Variants in ANKRD11 observed in about 807,000 individuals in gnomAD.
ANKRD11 encodes the protein ankyrin repeat domain-containing protein 11.
Under a neutral mutation model 195.7 loss-of-function variants are expected in ANKRD11, and 17 were observed. The observed-to-expected ratio is 0.09, with a 90% CI of 0.06 to 0.13. The LOEUF is 0.13. Ranked by LOEUF, ANKRD11 falls within the 10% of genes least tolerant of loss-of-function variation. The probability of loss-of-function intolerance (pLI) is 1.00; values close to 1 mark genes in which losing one functional copy is unlikely to be tolerated. For missense variants in ANKRD11, 3,735 were observed against 3,566.1 expected (o/e 1.05, Z -1.21); for synonymous variants, 1,953 against 1,528.1 (o/e 1.28, Z -6.49).
intron 2 of ANKRD11, among the ~76,000 whole-genome samples, chr16:89,328,563 C>T (rs2037859728): frequency 6.6e-6 from 1 of 150,436 alleles, no homozygotes; most frequent in African/African-American, 2.5e-5. Flanking sequence ...GAGGCCCCTG[C>T]TGAGTGAGTG....
intron 2 of ANKRD11, among the ~76,000 whole-genome samples, chr16:89,404,108 T>C (rs2041813754): frequency 1.3e-5 from 2 of 152,200 alleles, no homozygotes; most frequent in African/African-American, 2.4e-5. Context: ...GCCCGGCACA[T>C]GATTGTGAAG....
chr16:89,274,656 C>T (rs1185738699), intron 11 of ANKRD11, 158 bp downstream of exon 11: 14 of 1,127,848 alleles, frequency 1.2e-5, no homozygotes, highest in Admixed American at 7.5e-5. Context: ...TTCTGAGGCT[C>T]GCCCAAGGCT....
rs111252415 is a variant in ANKRD11, at chr16:89,385,817, G to A, written c.-60+32467C>T. On this transcript the variant is annotated intron_variant, in intron 2 of 12. Coordinates refer to ENST00000301030, the MANE Select transcript of ANKRD11 (RefSeq NM_013275.6). ...CTGCCTGCCTCACCCCCGCCGCTGCGCAGCCAGAGGCCGGGGATTAGGCCA... is the reference window on the plus strand; with the variant it reads ...CTGCCTGCCTCACCCCCGCCGCTGCACAGCCAGAGGCCGGGGATTAGGCCA... Among the ~76,000 whole-genome samples, 557 of 152,338 alleles carry A rather than the reference G, an allele frequency of 3.7e-3. 3 individuals are homozygous for A. The highest frequency in any genetic ancestry group is 0.012 in the African/African-American group (504 of 41,580).
intron 1 of ANKRD11, among the ~76,000 whole-genome samples, chr16:89,430,050 C>G (rs2042908588): frequency 7.7e-6 from 1 of 130,268 alleles, no homozygotes; most frequent in Non-Finnish European, 1.6e-5. Context: ...TAGTACACAG[C>G]AGGGACTCTC....
chr16:89,322,845 TTTTG>T (rs142804077), intron 2 of ANKRD11, among the ~76,000 whole-genome samples: 2,867 of 152,280 alleles, frequency 0.019, 79 homozygotes, highest in African/African-American at 0.064. Flanking sequence ...TGAAGAGTTC[TTTTG>T]TTTGTTTGTT....
chr16:89,354,832 A>T (rs1323950679), intron 2 of ANKRD11, among the ~76,000 whole-genome samples: 5 of 151,944 alleles, frequency 3.3e-5, no homozygotes, highest in Non-Finnish European at 5.9e-5. Context: ...GGTTGCAGTG[A>T]GCCGAGATCA....
At chr16:89,445,579 C>T (rs1360389286) in intron 1 of ANKRD11, among the ~76,000 whole-genome samples, 13 of 152,188 alleles carry the variant, frequency 8.5e-5, no homozygotes, top group Admixed American at 8.5e-4. Context: ...ACAGCAATAA[C>T]CACAAGCACA....
chr16:89,368,300 G>A (rs938523564), intron 2 of ANKRD11, among the ~76,000 whole-genome samples: 2 of 148,414 alleles, frequency 1.3e-5, no homozygotes, highest in East Asian at 2.0e-4. Context: ...GGTTACAAGC[G>A]ATTCTCCTGC....
At chr16:89,419,840 C>G (rs2042441212) in intron 1 of ANKRD11, among the ~76,000 whole-genome samples, 1 of 152,088 alleles carries the variant, frequency 6.6e-6, no homozygotes, top group Non-Finnish European at 1.5e-5. Context: ...CACTCCTGGA[C>G]AGGATTGTTC....
intron 2 of ANKRD11, among the ~76,000 whole-genome samples, chr16:89,376,869 C>T (rs1434738901): frequency 1.3e-5 from 2 of 152,228 alleles, no homozygotes; most frequent in African/African-American, 4.8e-5. Context: ...GCTAATGCTA[C>T]TGTTTTGTGC....
At chr16:89,304,164 G>C (rs1171148510) in intron 4 of ANKRD11, among the ~76,000 whole-genome samples, 2 of 152,222 alleles carry the variant, frequency 1.3e-5, no homozygotes, top group East Asian at 3.9e-4. Flanking sequence ...AGAGGCCTCT[G>C]GGCTCCCTGC....
intron 2 of ANKRD11, among the ~76,000 whole-genome samples, chr16:89,369,837 G>A (rs1318570470): frequency 6.6e-6 from 1 of 152,202 alleles, no homozygotes; most frequent in Non-Finnish European, 1.5e-5. Context: ...TGCCACCACT[G>A]GGGAAGCTTG....
In ANKRD11 at chr16:89,290,831, G is replaced by A. The variant is rs945874086; in HGVS notation, c.398-3C>T. The A allele has an allele frequency of 6.2e-7, 1 of 1,613,428 alleles. No homozygotes were observed. The highest frequency in any genetic ancestry group is 8.5e-7 in the Non-Finnish European group (1 of 1,179,964). ...GGGGTGCTTTGGTGTTGTGTCCACT[G>A]CAGGCCAAGGAGGGGACAGATGGGC... On this transcript the variant is annotated splice_polypyrimidine_tract_variant and splice_region_variant and intron_variant, in intron 5 of 12. Coordinates refer to ENST00000301030, the MANE Select transcript of ANKRD11 (RefSeq NM_013275.6).
rs1040188778 is a variant in ANKRD11 at position 89,279,746 on chromosome 16, C to T, written c.6796G>A (p.Ala2266Thr). The change falls in exon 9 of 13, where the codon GCG becomes ACG. Residue 2266 changes from alanine (A) to threonine (T), a missense_variant. Transcript: ENST00000301030. The surrounding 1 kb of genome is among the most constrained non-coding windows in gnomAD (Gnocchi z 5.6). ...GGGCCGTCAGGGGCACAGAGGGACG[C>T]GGCGGGGGGGCCTTCAGCCTCAGCC... ...QGAEAEGPPA[A>T]SLCAPDGPAP... The T allele has an allele frequency of 7.2e-6, 11 of 1,525,594 alleles. No homozygotes were observed. Among genetic ancestry groups the T allele is most frequent in the Admixed American group, 5.9e-5 (3 of 50,588 alleles). The allele number at this position is 1,525,594 out of a possible 1,614,324, so 94.5% of individuals were successfully genotyped here.
In ANKRD11 at chr16:89,285,612, A is replaced by G. The variant is rs748558599; in HGVS notation, c.930T>C (p.Pro310=). Residue 310 remains proline (P), a synonymous_variant, in exon 9 of 13, where the codon CCT becomes CCC. Transcript: ENST00000301030. This position sits in a 1 kb window ranked among gnomAD's most constrained non-coding sequence, Gnocchi z 5.6. ...TGTTGTTGCCGTCGACTGAACTGGA[A>G]GGTGCGAAGGATGGTGCGTCTTCCT... ...SEEEDAPSFA[P]SSSVDGNNTD... is the part of the protein sequence containing the mutation. The G allele has an allele frequency of 1.2e-6, 2 of 1,614,148 alleles. No homozygotes were observed. Among genetic ancestry groups the G allele is most frequent in the South Asian group, 2.2e-5 (2 of 91,080 alleles).
chr16:89,312,596 C>T (rs1307088060), intron 3 of ANKRD11, among the ~76,000 whole-genome samples: 1 of 152,040 alleles, frequency 6.6e-6, no homozygotes, highest in East Asian at 1.9e-4. Flanking sequence ...TCCTTTTCTG[C>T]CTTAGTGAAA....
intron 2 of ANKRD11, among the ~76,000 whole-genome samples, chr16:89,414,475 T>A (rs540818603): frequency 6.6e-6 from 1 of 152,330 alleles, no homozygotes; most frequent in Admixed American, 6.5e-5. Context: ...AAGAAAGATG[T>A]CAGCTTCAAC....
Position 89,442,256 on chromosome 16 carries a change from CCTCA to C in ANKRD11, c.-144-23892_-144-23889del, listed in dbSNP as rs545324443. Among the ~76,000 whole-genome samples, 20 of 152,300 alleles carry C rather than the reference CCTCA, an allele frequency of 1.3e-4. 1 individual carries two copies. In the East Asian group the frequency reaches 1.5e-3, roughly 12 times the overall value. On this transcript the variant is annotated intron_variant, in intron 1 of 12. Coordinates refer to ENST00000301030, the MANE Select transcript of ANKRD11 (RefSeq NM_013275.6). ...ACATGCCAGGTCATGTCTACGCTTT[CCTCA>C]CTAAGGATTTAATTTCAGTATTCTA...
rs1214860544 is a variant in ANKRD11 at position 89,284,002 on chromosome 16, T to G, written c.2540A>C (p.Asp847Ala). The G allele has an allele frequency of 6.2e-7, 1 of 1,614,038 alleles. No homozygotes were observed. Among genetic ancestry groups the G allele is most frequent in the African/African-American group, 1.3e-5 (1 of 74,910 alleles). The change falls in exon 9 of 13, where the codon GAT (aspartate) becomes GCT (alanine). Residue 847 changes from aspartate (D) to alanine (A), a missense_variant. Coordinates refer to ENST00000301030, the MANE Select transcript of ANKRD11 (RefSeq NM_013275.6). ...CTCCCCTTTGAAATCAAAGGATGAA[T>G]CGGACAAGTCAGAAAACCACCGATC... ...QRDRWFSDLSDSSFDFKGEDS... is the reference protein window; with the variant it reads ...QRDRWFSDLSASSFDFKGEDS...
Sources: allele counts gnomAD v4.1 joint callset (sites outside exome capture counted in the v4.1 genomes callset), GRCh38; gene constraint gnomAD v4.1.1; non-coding constraint Gnocchi (gnomAD v3.1); transcripts MANE v1.5; gene names NCBI Gene and HGNC (gene_info 2026-07-23, HGNC 2026-07-21).